Variants in SPHKAP observed in about 807,000 individuals in gnomAD.
The protein encoded by SPHKAP is SPHK1 interactor, AKAP domain containing, also known as A-kinase anchor protein SPHKAP.
Under a neutral mutation model 137.5 loss-of-function variants are expected in SPHKAP, and 67 were observed. The observed-to-expected ratio is 0.49, with a 90% CI of 0.40 to 0.60. The LOEUF is 0.60. Ranked by LOEUF, SPHKAP falls within the 20% of genes least tolerant of loss-of-function variation. SPHKAP has a pLI of 0.00. For missense variants in SPHKAP, 2,097 were observed against 2,069.3 expected (o/e 1.01, Z -0.26); for synonymous variants, 813 against 785.3 (o/e 1.04, Z -0.59).
At chr2:228,092,328 C>T (rs1574841979) in intron 3 of SPHKAP, among the ~76,000 whole-genome samples, 1 of 110,036 alleles carries the variant, frequency 9.1e-6, no homozygotes, top group African/African-American at 3.3e-5. Context: ...TATACGTACA[C>T]ACACACGTGT....
chr2:228,057,524 G>A (rs866935450), intron 3 of SPHKAP, among the ~76,000 whole-genome samples: 97 of 152,096 alleles, frequency 6.4e-4, no homozygotes, highest in African/African-American at 1.5e-3. Flanking sequence ...GACACTGAAC[G>A]CAAAAAAGAG....
At chr2:228,001,404 CATAAATATAT>C (rs1693871165) in intron 7 of SPHKAP, among the ~76,000 whole-genome samples, 1 of 136,574 alleles carries the variant, frequency 7.3e-6, no homozygotes, top group African/African-American at 2.7e-5. Flanking sequence ...AATATATATA[CATAAATATAT>C]ATAAATATAT....
At chr2:227,993,652 C>A in intron 8 of SPHKAP, 32 bp from the exon 9 acceptor site, 1 of 1,522,932 alleles carries the variant, frequency 6.6e-7, no homozygotes, top group South Asian at 1.2e-5. Context: ...TATTAATGCC[C>A]GTCTCCACCC....
At chr2:228,058,192 C>A (rs1559151096) in intron 3 of SPHKAP, among the ~76,000 whole-genome samples, 1 of 152,174 alleles carries the variant, frequency 6.6e-6, no homozygotes, top group East Asian at 1.9e-4. Flanking sequence ...CCCATTCTAG[C>A]CCATTCTGCA....
At position 228,018,109 on chromosome 2, in the gene SPHKAP, C is replaced by A. The variant is rs137996231; in HGVS notation, c.2745G>T (p.Thr915=). ...GDDLLLPAQS[T]LQTKHPDIYC... is the part of the protein sequence containing the mutation. ...AGATGTCTGGATGCTTTGTTTGAAG[C>A]GTGGATTGAGCAGGAAGCAGCAGGT... The change falls in exon 7 of 12, where the codon ACG becomes ACT. Residue 915 remains threonine (T), a synonymous_variant. Coordinates refer to ENST00000392056, the MANE Select transcript of SPHKAP (RefSeq NM_001142644.2). 1.9e-6 allele frequency: 3 copies of A among 1,613,968 alleles called. No individual in the cohort carries two copies. The highest frequency in any genetic ancestry group is 2.7e-5 in the African/African-American group (2 of 74,906).
chr2:227,982,145 C>A, intron 11 of SPHKAP: 1 of 978,918 alleles, frequency 1.0e-6, no homozygotes, highest in South Asian at 4.7e-5. Flanking sequence ...AAGAGCCAGT[C>A]TTTTAGATAT....
chr2:228,158,894 AC>A (rs1700190139), intron 1 of SPHKAP, among the ~76,000 whole-genome samples: 1 of 152,134 alleles, frequency 6.6e-6, no homozygotes, highest in African/African-American at 2.4e-5. Flanking sequence ...CTTTTCCCTC[AC>A]CCCAATCAAA....
At chr2:228,161,906 T>C (rs1395399803) in intron 1 of SPHKAP, among the ~76,000 whole-genome samples, 2 of 152,200 alleles carry the variant, frequency 1.3e-5, no homozygotes, top group African/African-American at 2.4e-5. Context: ...GCCAGTACTA[T>C]ATTCAGAAAT....
rs1051680557 is a variant in SPHKAP at position 228,029,225 on chromosome 2, C to T, written c.247-1682G>A. On this transcript the variant is annotated intron_variant, in intron 3 of 11. Transcript: ENST00000392056. ...AACTAGTTGATTTGATGTTACAAAA[C>T]TGAGAACATTAATTACCTGGAATTT... is the stretch of plus-strand genomic sequence containing the variant. Among the ~76,000 whole-genome samples, 6 of 152,180 alleles carry T rather than the reference C, an allele frequency of 3.9e-5. No individual in the cohort carries two copies. The East Asian group carries it at 7.7e-4, about 20-fold the overall frequency.
In SPHKAP at chr2:228,025,471, G is replaced by A. The variant is rs1694998481; in HGVS notation, c.364C>T (p.Gln122Ter). 1.2e-6 allele frequency: 2 copies of A among 1,613,896 alleles called. No homozygotes were observed. Among genetic ancestry groups the A allele is most frequent in the Non-Finnish European group, 1.7e-6 (2 of 1,179,916 alleles). Residue 122 changes from glutamine to a stop codon, truncating the protein, a stop_gained, in exon 5 of 12, where the codon CAA becomes TAA. Transcript: ENST00000392056. LOFTEE classifies it high-confidence loss of function. ...PKLISSMNVQ[Q>*]PKENEIVVLS... ...ACAACAATTTCATTTTCTTTTGGTT[G>A]TTGGACATTCATGGAACTGATAAGT...
chr2:228,130,770 A>T (rs986679313), intron 2 of SPHKAP, among the ~76,000 whole-genome samples: 6 of 152,164 alleles, frequency 3.9e-5, no homozygotes, highest in African/African-American at 7.2e-5. Flanking sequence ...GAATAACTTG[A>T]AATCATTTTG....
In SPHKAP at chr2:228,017,143, C is replaced by T. The variant is rs774710077; in HGVS notation, c.3711G>A (p.Ser1237=). 7.4e-6 allele frequency: 12 copies of T among 1,613,986 alleles called. No individual in the cohort carries two copies. The South Asian group carries it at 7.7e-5, about 10-fold the overall frequency. The change falls in exon 7 of 12, where the codon TCG becomes TCA. Residue 1237 remains serine (S), a synonymous_variant. Transcript: ENST00000392056. ...ATGGGGATCTGCTGTCTGGCATGGACGACTGTCTGTGGCACACTGGGGATC... is the reference window on the plus strand; with the variant it reads ...ATGGGGATCTGCTGTCTGGCATGGATGACTGTCTGTGGCACACTGGGGATC... The part of the protein sequence containing the change: ...SLRSPVCHRQ[S]SMPDSRSPCS...
intron 3 of SPHKAP, among the ~76,000 whole-genome samples, chr2:228,041,533 A>G: frequency 6.6e-6 from 1 of 151,534 alleles, no homozygotes; most frequent in East Asian, 1.9e-4. Context: ...TAGTCCAGCT[A>G]CTCAGGAGGC....
chr2:227,981,677 G>C lies in SPHKAP; in HGVS notation c.*40C>G. On this transcript the variant is annotated 3_prime_UTR_variant, in exon 12 of 12. Coordinates refer to ENST00000392056, the MANE Select transcript of SPHKAP (RefSeq NM_001142644.2). ...GAACAAACCACTGTAATCTAAGTTG[G>C]AATAAAGGGAAGGAATGATCTATAC... is the stretch of plus-strand genomic sequence containing the variant. 6.3e-7 allele frequency: 1 copy of C among 1,585,664 alleles called. No homozygotes were observed. Among genetic ancestry groups the C allele is most frequent in the Non-Finnish European group, 8.6e-7 (1 of 1,169,024 alleles).
intron 1 of SPHKAP, among the ~76,000 whole-genome samples, chr2:228,171,371 G>T (rs867810862): frequency 6.6e-6 from 1 of 152,126 alleles, no homozygotes; most frequent in South Asian, 2.1e-4. Context: ...CAAGTCCTTT[G>T]TAATTCTAAT....
At chr2:227,989,096 G>T (rs145626998) in intron 11 of SPHKAP, among the ~76,000 whole-genome samples, 2 of 152,276 alleles carry the variant, frequency 1.3e-5, no homozygotes, top group East Asian at 3.9e-4. Context: ...TCTAACTACT[G>T]TAAGCAGGGA....
At chr2:228,104,167 A>C (rs1383423431) in intron 3 of SPHKAP, among the ~76,000 whole-genome samples, 1 of 148,772 alleles carries the variant, frequency 6.7e-6, no homozygotes, top group Non-Finnish European at 1.5e-5. Flanking sequence ...AGGTAATTTA[A>C]AATGTCCTTT....
chr2:228,010,575 A>G (rs1214028360), intron 7 of SPHKAP, among the ~76,000 whole-genome samples: 1 of 152,146 alleles, frequency 6.6e-6, no homozygotes, highest in Non-Finnish European at 1.5e-5. Flanking sequence ...GGGCAAGTTG[A>G]GTTTCAATAA....
intron 3 of SPHKAP, among the ~76,000 whole-genome samples, chr2:228,054,693 T>C (rs2106277751): frequency 6.6e-6 from 1 of 152,226 alleles, no homozygotes; most frequent in Middle Eastern, 3.4e-3. Context: ...CAGGTGACTC[T>C]GATGTGTATT....
Sources: allele counts gnomAD v4.1 joint callset (sites outside exome capture counted in the v4.1 genomes callset), GRCh38; gene constraint gnomAD v4.1.1; transcripts MANE v1.5; gene names NCBI Gene and HGNC (gene_info 2026-07-23, HGNC 2026-07-21).